Variants in SWAP70 observed in about 807,000 individuals in gnomAD.
SWAP70 encodes switching B cell complex subunit SWAP70.
SWAP70 carries 34 observed loss-of-function variants against 80.2 expected under a neutral mutation model. That is an observed-to-expected ratio of 0.42 (90% CI 0.32 to 0.56). SWAP70 has a LOEUF of 0.56. Among genes scored for constraint, SWAP70 ranks in the 20% least tolerant of loss-of-function variants. The pLI is 0.09. For synonymous variants in SWAP70, 239 were observed against 238.5 expected, an observed-to-expected ratio of 1.00 and a Z score of -0.02; for missense variants, 578 against 690.7, an observed-to-expected ratio of 0.84 and a Z score of 1.83.
chr11:9,712,211 C>T (rs1307684548), intron 2 of SWAP70, among the ~76,000 whole-genome samples: 1 of 152,104 alleles, frequency 6.6e-6, no homozygotes, highest in East Asian at 1.9e-4. Flanking sequence ...GGAACATAGG[C>T]CAGTATTATG....
At chr11:9,680,610 T>C (rs1440050835) in intron 1 of SWAP70, among the ~76,000 whole-genome samples, 1 of 152,134 alleles carries the variant, frequency 6.6e-6, no homozygotes. Flanking sequence ...GAGAAAGGGT[T>C]TCACCATGTT....
At chr11:9,725,567 A>ATTTTTTTTTTT (rs1158096816) in intron 4 of SWAP70, among the ~76,000 whole-genome samples, 2 of 17,316 alleles carry the variant, frequency 1.2e-4, no homozygotes, top group African/African-American at 5.1e-4. Context: ...ATATATATAT[A>ATTTTTTTTTTT]TATTTTTTTT....
chr11:9,694,077 T>C, intron 1 of SWAP70, 69 bp from the exon 2 acceptor site: 5 of 1,485,084 alleles, frequency 3.4e-6, no homozygotes, highest in Non-Finnish European at 4.5e-6. Flanking sequence ...AGCAGCATGT[T>C]GTACTCATGG....
intron 4 of SWAP70, chr11:9,726,957 T>G (rs1204500751): frequency 4.4e-6 from 2 of 456,146 alleles, no homozygotes; most frequent in Admixed American, 4.7e-5. Context: ...GGCAGAAAGG[T>G]AGGTTGGTAC....
At chr11:9,671,842 A>G (rs1386743604) in intron 1 of SWAP70, among the ~76,000 whole-genome samples, 1 of 105,642 alleles carries the variant, frequency 9.5e-6, no homozygotes, top group Non-Finnish European at 1.7e-5. Context: ...ATAATATATA[A>G]TATATAAAAT....
At chr11:9,676,888 C>T (rs566160272) in intron 1 of SWAP70, among the ~76,000 whole-genome samples, 78 of 151,912 alleles carry the variant, frequency 5.1e-4, no homozygotes, top group African/African-American at 2.2e-4. Context: ...CTCCTGACCT[C>T]GTGATCCGCC....
chr11:9,737,030 G>A (rs1471052391), intron 7 of SWAP70, among the ~76,000 whole-genome samples: 1 of 152,184 alleles, frequency 6.6e-6, no homozygotes, highest in Non-Finnish European at 1.5e-5. Flanking sequence ...GCAACATAGC[G>A]AGACCTCATA....
At chr11:9,688,641 A>T (rs893549755) in intron 1 of SWAP70, among the ~76,000 whole-genome samples, 1 of 152,150 alleles carries the variant, frequency 6.6e-6, no homozygotes, top group African/African-American at 2.4e-5. Flanking sequence ...GATGATTTTT[A>T]GGCAGGGGGA....
intron 7 of SWAP70, among the ~76,000 whole-genome samples, chr11:9,733,727 T>C (rs1269849748): frequency 6.6e-6 from 1 of 152,222 alleles, no homozygotes; most frequent in Non-Finnish European, 1.5e-5. Flanking sequence ...AAGGTTACGC[T>C]GAGCACCTGC....
At position 9,750,011 on chromosome 11, in the gene SWAP70, A is replaced by G. The variant is rs1338503796; in HGVS notation, c.*41A>G. ...GTCACGTCAGTTATGTAGATACTGC[A>G]TGGCAGGAGAGCTTTACGCTAAAGA... On this transcript the variant is annotated 3_prime_UTR_variant, in exon 12 of 12. Coordinates refer to ENST00000318950, the MANE Select transcript of SWAP70 (RefSeq NM_015055.4). 1.5e-6 allele frequency: 2 copies of G among 1,345,390 alleles called. No homozygotes were observed. The highest frequency in any genetic ancestry group is 1.7e-5 in the Admixed American group (1 of 58,886). The allele number at this position is 1,345,390 out of a possible 1,614,324, so 83.3% of individuals were successfully genotyped here.
chr11:9,747,186 T>C (rs1196465257), intron 9 of SWAP70, among the ~76,000 whole-genome samples: 3 of 152,248 alleles, frequency 2.0e-5, no homozygotes, highest in Non-Finnish European at 4.4e-5. Flanking sequence ...TAAAATCCAT[T>C]ATAACCTGTG....
At chr11:9,671,670 A>G (rs377704226) in intron 1 of SWAP70, among the ~76,000 whole-genome samples, 253 of 18,114 alleles carry the variant, frequency 0.014, 2 homozygotes, top group Non-Finnish European at 0.017. Context: ...ATATAAATAT[A>G]TATAAATAGA....
intron 2 of SWAP70, among the ~76,000 whole-genome samples, chr11:9,698,107 T>G (rs994246980): frequency 5.4e-5 from 8 of 147,714 alleles, no homozygotes; most frequent in African/African-American, 1.5e-4. Context: ...TTTGTTTTTT[T>G]TTTTTTTTTT....
At chr11:9,713,730 G>A in intron 3 of SWAP70, 91 bp downstream of exon 3, 1 of 1,389,580 alleles carries the variant, frequency 7.2e-7, no homozygotes, top group Non-Finnish European at 9.8e-7. Flanking sequence ...GCATAGATAT[G>A]GAAGGAGATC....
chr11:9,747,898 A>G lies in SWAP70; in HGVS notation c.1396A>G (p.Lys466Glu), dbSNP rs753905335. Reference sequence around the variant, plus strand: ...GTCTTCCAAGAGGGCTGAACTAGAAAAGTGGCACTTGGAGCAGCAGCAGGC... The same window carrying G: ...GTCTTCCAAGAGGGCTGAACTAGAAGAGTGGCACTTGGAGCAGCAGCAGGC... ...EESSKRAELE[K>E]WHLEQQQAIQ... is the part of the protein sequence containing the mutation. Residue 466 changes from lysine to glutamate, a missense_variant, in exon 10 of 12, where the codon AAG (lysine) becomes GAG (glutamate). Physicochemically the swap from Lys to Glu is moderately conservative, Grantham distance 56. Transcript: ENST00000318950. The G allele has an allele frequency of 1.4e-5, 23 of 1,614,060 alleles. 1 individual carries two copies. In the Admixed American group the frequency reaches 3.3e-4, roughly 23 times the overall value.
chr11:9,678,526 A>T (rs939415165), intron 1 of SWAP70, among the ~76,000 whole-genome samples: 1 of 141,520 alleles, frequency 7.1e-6, no homozygotes, highest in South Asian at 2.3e-4. Flanking sequence ...CGAAAATAAC[A>T]CGTAAACTCT....
intron 4 of SWAP70, among the ~76,000 whole-genome samples, chr11:9,725,881 T>C (rs1434943956): frequency 1.3e-5 from 2 of 150,250 alleles, no homozygotes; most frequent in African/African-American, 4.9e-5. Context: ...ATTTCCAAAA[T>C]ATTTTATTTT....
chr11:9,731,269 A>G (rs1851294826), intron 6 of SWAP70, among the ~76,000 whole-genome samples: 1 of 152,220 alleles, frequency 6.6e-6, no homozygotes, highest in African/African-American at 2.4e-5. Context: ...AAATTATGTT[A>G]TATTGGAGAA....
At position 9,749,089 on chromosome 11, in the gene SWAP70, A is replaced by G. The variant is rs1472835956; in HGVS notation, c.1557A>G (p.Glu519=). The G allele has an allele frequency of 6.2e-7, 1 of 1,610,700 alleles. No homozygotes were observed. Among genetic ancestry groups the G allele is most frequent in the Admixed American group, 1.7e-5 (1 of 59,588 alleles). ...ERKQALEQYE[E]VKKKLEMATN... ...TCCAAAATCCACTTTTGTTTCAGGA[A>G]GTTAAAAAGAAGCTGGAGATGGCAA... Residue 519 remains glutamate (E), a splice_region_variant and synonymous_variant, in exon 11 of 12, where the codon GAA becomes GAG. Coordinates refer to ENST00000318950, the MANE Select transcript of SWAP70 (RefSeq NM_015055.4).
Sources: allele counts gnomAD v4.1 joint callset (sites outside exome capture counted in the v4.1 genomes callset), GRCh38; gene constraint gnomAD v4.1.1; transcripts MANE v1.5; gene names NCBI Gene and HGNC (gene_info 2026-07-23, HGNC 2026-07-21).